Variants in NDST4 observed in about 807,000 individuals in gnomAD.
NDST4 encodes N-deacetylase and N-sulfotransferase 4, also known as N-heparan sulfate sulfotransferase 4.
A neutral mutation model predicts 100.8 loss-of-function variants in NDST4; 63 were observed. The ratio of observed to expected loss-of-function variants is 0.62; its 90% CI spans 0.51 to 0.77. The LOEUF (loss-of-function observed/expected upper bound fraction) is 0.77, where lower values mean the gene tolerates loss of function less well. Among genes scored for constraint, NDST4 ranks in the 30% least tolerant of loss-of-function variants. The pLI is 0.00. For missense variants in NDST4, 943 were observed against 1,018.4 expected, an observed-to-expected ratio of 0.93 and a Z score of 1.01; for synonymous variants, 377 against 361.8, an observed-to-expected ratio of 1.04 and a Z score of -0.48.
At chr4:114,888,037 T>C (rs1724515825) in intron 6 of NDST4, among the ~76,000 whole-genome samples, 1 of 152,000 alleles carries the variant, frequency 6.6e-6, no homozygotes, top group Admixed American at 6.6e-5. Context: ...ACCCTGACTC[T>C]ACTAAAAATA....
At chr4:114,960,562 A>G (rs1343955476) in intron 4 of NDST4, among the ~76,000 whole-genome samples, 1 of 152,128 alleles carries the variant, frequency 6.6e-6, no homozygotes, top group African/African-American at 2.4e-5. Context: ...AAAAAAATAA[A>G]AGAAAGAAAG....
chr4:115,047,301 T>C (rs920026190), intron 2 of NDST4, among the ~76,000 whole-genome samples: 11 of 152,074 alleles, frequency 7.2e-5, no homozygotes, highest in Non-Finnish European at 1.2e-4. Context: ...TGCATAGAAA[T>C]TAATGTAGTA....
intron 9 of NDST4, among the ~76,000 whole-genome samples, chr4:114,846,658 A>G (rs1723555839): frequency 6.6e-6 from 1 of 152,170 alleles, no homozygotes; most frequent in African/African-American, 2.4e-5. Flanking sequence ...TATGGAATCA[A>G]TATGTTCTGA....
intron 2 of NDST4, among the ~76,000 whole-genome samples, chr4:115,037,102 A>C (rs750146103): frequency 2.0e-5 from 3 of 152,002 alleles, no homozygotes; most frequent in Non-Finnish European, 4.4e-5. Context: ...GGATTTTATA[A>C]CTAAGATCAA....
At chr4:115,105,307 G>T (rs766684152) in intron 1 of NDST4, among the ~76,000 whole-genome samples, 11 of 151,790 alleles carry the variant, frequency 7.2e-5, no homozygotes, top group Non-Finnish European at 1.2e-4. Context: ...ATCTTTCTTG[G>T]ACTGTCTCAA....
intron 7 of NDST4, among the ~76,000 whole-genome samples, chr4:114,857,582 C>T (rs1008209391): frequency 1.2e-4 from 19 of 152,172 alleles, no homozygotes; most frequent in African/African-American, 4.3e-4. Context: ...TGGGCTAACC[C>T]ATATGTTAGT....
At chr4:114,986,890 AT>A (rs979183592) in intron 2 of NDST4, among the ~76,000 whole-genome samples, 2 of 144,574 alleles carry the variant, frequency 1.4e-5, no homozygotes, top group Non-Finnish European at 3.0e-5. Context: ...AACTTATAAA[AT>A]TTTTTTGTCT....
At chr4:114,950,524 G>T (rs930755388) in intron 4 of NDST4, among the ~76,000 whole-genome samples, 17 of 152,000 alleles carry the variant, frequency 1.1e-4, no homozygotes, top group Admixed American at 1.1e-3. Flanking sequence ...TTCTTTATTT[G>T]GTAGTTACAA....
intron 6 of NDST4, among the ~76,000 whole-genome samples, chr4:114,931,887 T>G (rs1725523826): frequency 6.6e-6 from 1 of 151,760 alleles, no homozygotes; most frequent in African/African-American, 2.4e-5. Context: ...GACTTAATGG[T>G]GTCACTGATG....
At chr4:115,087,014 T>C (rs1197829507) in intron 1 of NDST4, among the ~76,000 whole-genome samples, 1 of 152,032 alleles carries the variant, frequency 6.6e-6, no homozygotes, top group Non-Finnish European at 1.5e-5. Flanking sequence ...ATTTCATCAC[T>C]GAATTTTACC....
intron 2 of NDST4, among the ~76,000 whole-genome samples, chr4:115,028,845 C>T (rs766035606): frequency 9.2e-5 from 14 of 151,954 alleles, no homozygotes; most frequent in Non-Finnish European, 1.9e-4. Context: ...AGGAAGCATG[C>T]CACATTAAAA....
intron 2 of NDST4, among the ~76,000 whole-genome samples, chr4:115,062,513 T>A (rs574367476): frequency 1.3e-4 from 19 of 151,936 alleles, no homozygotes; most frequent in Non-Finnish European, 2.4e-4. Context: ...AAAATTAAGT[T>A]GTTGTATGAA....
chr4:114,996,919 A>G (rs2126254117), intron 2 of NDST4, among the ~76,000 whole-genome samples: 1 of 152,218 alleles, frequency 6.6e-6, no homozygotes. Context: ...ATATCTACTT[A>G]CTTTTACTCA....
chr4:115,109,995 C>T (rs1001490095), intron 1 of NDST4, among the ~76,000 whole-genome samples: 2 of 151,750 alleles, frequency 1.3e-5, no homozygotes, highest in Admixed American at 1.3e-4. Context: ...CCTTGAAATG[C>T]CTGAGGCTAT....
chr4:115,029,285 A>G (rs1054476639), intron 2 of NDST4, among the ~76,000 whole-genome samples: 2 of 152,056 alleles, frequency 1.3e-5, no homozygotes, highest in Non-Finnish European at 2.9e-5. Flanking sequence ...TTAGAGAAGG[A>G]GCGGTTGAAA....
intron 12 of NDST4, among the ~76,000 whole-genome samples, chr4:114,831,838 T>C (rs992467643): frequency 2.6e-5 from 4 of 152,226 alleles, no homozygotes; most frequent in Non-Finnish European, 5.9e-5. Flanking sequence ...CTCTAAGTTA[T>C]ATCAATTCAT....
At chr4:114,921,953 C>CT (rs1010962260) in intron 6 of NDST4, among the ~76,000 whole-genome samples, 7 of 151,740 alleles carry the variant, frequency 4.6e-5, no homozygotes, top group African/African-American at 1.5e-4. Flanking sequence ...TCTCATTTCC[C>CT]TTTTTTTTCT....
intron 1 of NDST4, among the ~76,000 whole-genome samples, chr4:115,095,236 A>G (rs477958): frequency 0.99 from 151,382 of 152,284 alleles, 75,243 homozygotes; most frequent in Middle Eastern, 1. Context: ...GCACTCCAAG[A>G]ACTTTCCTTA....
At chr4:114,989,012 G>A (rs1165048296) in intron 2 of NDST4, among the ~76,000 whole-genome samples, 1 of 151,504 alleles carries the variant, frequency 6.6e-6, no homozygotes, top group Non-Finnish European at 1.5e-5. Flanking sequence ...AAAAACTTAA[G>A]AGTTTCAAAA....
Sources: allele counts gnomAD v4.1 joint callset (sites outside exome capture counted in the v4.1 genomes callset), GRCh38; gene constraint gnomAD v4.1.1; transcripts MANE v1.5; gene names NCBI Gene and HGNC (gene_info 2026-07-23, HGNC 2026-07-21).